PCBP3: variants seen among roughly 807,000 people sequenced by gnomAD.
PCBP3 encodes poly(rC) binding protein 3, also known as poly(rC)-binding protein 3.
A neutral mutation model predicts 52.7 loss-of-function variants in PCBP3; 25 were observed. That is an observed-to-expected ratio of 0.47 (90% CI 0.35 to 0.66). PCBP3 has a LOEUF of 0.66. Ranked by LOEUF, PCBP3 falls within the 30% of genes least tolerant of loss-of-function variation. The pLI, the probability that PCBP3 is intolerant of heterozygous loss-of-function variation, is 0.01. For missense variants in PCBP3, 391 were observed against 490.3 expected (o/e 0.80, Z 1.91); for synonymous variants, 162 against 183.0 (o/e 0.89, Z 0.93).
intron 13 of PCBP3, among the ~76,000 whole-genome samples, chr21:45,921,580 C>G (rs2074438683): frequency 1.3e-5 from 2 of 152,198 alleles, no homozygotes; most frequent in African/African-American, 4.8e-5. Context: ...CTTTGGGAGG[C>G]TGAGGCAGGT....
At chr21:45,787,360 C>A (rs964989336) in intron 4 of PCBP3, among the ~76,000 whole-genome samples, 1 of 152,050 alleles carries the variant, frequency 6.6e-6, no homozygotes, top group African/African-American at 2.4e-5. Flanking sequence ...TCCTTCCACC[C>A]CAGCCTCCTG....
intron 14 of PCBP3, among the ~76,000 whole-genome samples, chr21:45,930,583 A>G (rs1427127411): frequency 1.3e-5 from 2 of 152,086 alleles, no homozygotes; most frequent in African/African-American, 4.8e-5. Flanking sequence ...AGGCAGCGCC[A>G]TGCCTGTGGA....
chr21:45,809,014 G>T (rs934997175), intron 4 of PCBP3, among the ~76,000 whole-genome samples: 2 of 152,042 alleles, frequency 1.3e-5, no homozygotes, highest in African/African-American at 4.8e-5. Context: ...ACAGGGAGAA[G>T]AACATCACAC....
chr21:45,914,456 G>T (rs368882173), intron 12 of PCBP3: 2 of 334,764 alleles, frequency 6.0e-6, no homozygotes, highest in Non-Finnish European at 1.1e-5. Context: ...GCAGGGACGT[G>T]CGAGAGGAGG....
At chr21:45,815,036 A>G (rs1440798388) in intron 4 of PCBP3, among the ~76,000 whole-genome samples, 47 of 59,448 alleles carry the variant, frequency 7.9e-4, no homozygotes, top group Admixed American at 1.1e-3. Flanking sequence ...TGAGTGAGTG[A>G]TGAGTGGTGA....
In PCBP3 at chr21:45,737,771, C is replaced by T. The variant is rs2085996544; in HGVS notation, c.-162+2342C>T. ...CTGGTGGGAATGGAGGTGCCATGAG[C>T]ACTGAGCTGGTTGGAACAGAAGGGC... On this transcript the variant is annotated intron_variant, in intron 3 of 17. Transcript: ENST00000681687. The surrounding 1 kb of genome is among the most constrained non-coding windows in gnomAD (Gnocchi z 4.9). Among the ~76,000 whole-genome samples the T allele has an allele frequency of 6.6e-6, 1 of 152,202 alleles. No homozygotes were observed. Among genetic ancestry groups the T allele is most frequent in the Admixed American group, 6.5e-5 (1 of 15,284 alleles).
At chr21:45,879,508 G>A (rs1192940261) in intron 5 of PCBP3, among the ~76,000 whole-genome samples, 7 of 152,288 alleles carry the variant, frequency 4.6e-5, no homozygotes, top group Non-Finnish European at 2.9e-5. Context: ...AGACACCACA[G>A]TACACGTGGT....
intron 1 of PCBP3, among the ~76,000 whole-genome samples, chr21:45,654,361 A>ATTTTTTT (rs2079877461): frequency 1.6e-5 from 1 of 61,656 alleles, no homozygotes; most frequent in Admixed American, 2.4e-4. Flanking sequence ...TTTTTTTTTG[A>ATTTTTTT]GATGGAGTCT....
At chr21:45,671,018 C>G (rs1390353254) in intron 2 of PCBP3, among the ~76,000 whole-genome samples, 2 of 152,144 alleles carry the variant, frequency 1.3e-5, no homozygotes, top group African/African-American at 4.8e-5. Context: ...GCTTCTCAGC[C>G]ATGTTGGCCC....
chr21:45,864,438 A>G (rs530279800), intron 5 of PCBP3, among the ~76,000 whole-genome samples: 14 of 152,334 alleles, frequency 9.2e-5, no homozygotes, highest in African/African-American at 3.1e-4. Context: ...GGGAATGCAT[A>G]ATACTTCAAA....
intron 2 of PCBP3, among the ~76,000 whole-genome samples, chr21:45,726,744 C>T (rs1453184436): frequency 6.6e-6 from 1 of 152,210 alleles, no homozygotes; most frequent in Non-Finnish European, 1.5e-5. Flanking sequence ...CCATGGCTGG[C>T]CTGGCTGGTC....
chr21:45,719,568 G>A (rs571414990), intron 2 of PCBP3, among the ~76,000 whole-genome samples: 2 of 152,188 alleles, frequency 1.3e-5, no homozygotes, highest in African/African-American at 4.8e-5. Context: ...TCCCCATGCT[G>A]TTCTCGTGAT....
chr21:45,668,405 T>C (rs2080946497), intron 1 of PCBP3, among the ~76,000 whole-genome samples: 1 of 152,110 alleles, frequency 6.6e-6, no homozygotes. Context: ...CCGTGTCAGG[T>C]CAAATAAATG....
chr21:45,909,535 T>C, intron 10 of PCBP3, 49 bp downstream of exon 10: 1 of 1,588,970 alleles, frequency 6.3e-7, no homozygotes, highest in Non-Finnish European at 8.6e-7. Flanking sequence ...CTAGGCGGGC[T>C]GCGGGTGGTG....
At chr21:45,889,921 C>G (rs1222341634) in intron 5 of PCBP3, among the ~76,000 whole-genome samples, 1 of 152,280 alleles carries the variant, frequency 6.6e-6, no homozygotes, top group African/African-American at 2.4e-5. Flanking sequence ...GTCAGCGTAG[C>G]TCCGAGACGG....
Position 45,724,981 on chromosome 21 carries a change from G to A in PCBP3, c.-199-10411G>A, listed in dbSNP as rs914902829. The stretch of plus-strand genomic sequence containing the variant: ...CAAATAAACTGTTGTGAGCCGTTAA[G>A]TATGGCAGTTTGTATCATGGTTAAA... On this transcript the variant is annotated intron_variant, in intron 2 of 17. Coordinates refer to ENST00000681687, the MANE Select transcript of PCBP3 (RefSeq NM_001384156.1). This position sits in a 1 kb window ranked among gnomAD's most constrained non-coding sequence, Gnocchi z 5.3. Among the ~76,000 whole-genome samples the A allele has an allele frequency of 6.6e-6, 1 of 152,186 alleles. No homozygotes were observed. The highest frequency in any genetic ancestry group is 1.5e-5 in the Non-Finnish European group (1 of 68,030).
chr21:45,707,165 G>A (rs1375179281), intron 2 of PCBP3, among the ~76,000 whole-genome samples: 1 of 152,012 alleles, frequency 6.6e-6, no homozygotes, highest in Non-Finnish European at 1.5e-5. Flanking sequence ...TTTGTCTCTG[G>A]GGATCTAGGT....
At chr21:45,940,768 C>CGTACCACCAGCCCCGCCAGGCACACT in intron 17 of PCBP3, among the ~76,000 whole-genome samples, 1 of 63,418 alleles carries the variant, frequency 1.6e-5, no homozygotes, top group South Asian at 2.9e-4. Flanking sequence ...CCAGGCATGC[C>CGTACCACCAGCCCCGCCAGGCACACT]GTACCACCAG....
intron 2 of PCBP3, among the ~76,000 whole-genome samples, chr21:45,689,600 A>C (rs1340393114): frequency 6.6e-6 from 1 of 152,140 alleles, no homozygotes; most frequent in African/African-American, 2.4e-5. Flanking sequence ...GGAAAAATAA[A>C]TAAAAGGCAT....
Sources: allele counts gnomAD v4.1 joint callset (sites outside exome capture counted in the v4.1 genomes callset), GRCh38; gene constraint gnomAD v4.1.1; non-coding constraint Gnocchi (gnomAD v3.1); transcripts MANE v1.5; gene names NCBI Gene and HGNC (gene_info 2026-07-23, HGNC 2026-07-21).